ATP7A: variants seen among roughly 807,000 people sequenced by gnomAD.
ATP7A encodes the protein copper-transporting ATPase 1.
A neutral mutation model predicts 83.5 loss-of-function variants in ATP7A; 7 were observed. That is an observed-to-expected ratio of 0.08 (90% CI 0.05 to 0.16). ATP7A has a LOEUF of 0.16. Ranked by LOEUF, ATP7A falls within the 10% of genes least tolerant of loss-of-function variation. ATP7A has a pLI of 1.00. For missense variants in ATP7A, 940 were observed against 1,120.8 expected (o/e 0.84, Z 2.30); for synonymous variants, 354 against 395.2 (o/e 0.90, Z 1.24).
At chrX:77,960,106 C>T (rs1405112105) in intron 1 of ATP7A, among the ~76,000 whole-genome samples, 3 of 112,384 alleles carry the variant, frequency 2.7e-5, no homozygotes, top group African/African-American at 6.5e-5. Flanking sequence ...TAAGGCTGGG[C>T]GTGGTGGCTC....
intron 1 of ATP7A, among the ~76,000 whole-genome samples, chrX:77,953,454 A>G (rs2077424770): frequency 9.0e-6 from 1 of 111,627 alleles, no homozygotes; most frequent in African/African-American, 3.3e-5. Flanking sequence ...TTTAACACAT[A>G]ACATTGTTGA....
At chrX:78,045,378 TCAAA>T (rs1225835405) in intron 21 of ATP7A, 88 bp from the exon 22 acceptor site, 2 of 814,291 alleles carry the variant, frequency 2.5e-6, no homozygotes, top group Admixed American at 2.3e-5. Flanking sequence ...TGAAGAAGTA[TCAAA>T]CAAAGAAATG....
At chrX:77,957,426 C>A (rs781892119) in intron 1 of ATP7A, among the ~76,000 whole-genome samples, 4 of 107,766 alleles carry the variant, frequency 3.7e-5, no homozygotes, top group Non-Finnish European at 7.7e-5. Flanking sequence ...GGGTTAATAT[C>A]CAGAATATAT....
chrX:77,960,429 CA>C (rs1360400435), intron 1 of ATP7A, among the ~76,000 whole-genome samples: 3 of 111,767 alleles, frequency 2.7e-5, no homozygotes, highest in African/African-American at 9.8e-5. Context: ...AACAAAACCC[CA>C]AAAAAGAATT....
Position 77,989,928 on chromosome X carries a change from G to A in ATP7A, c.1306G>A (p.Glu436Lys), listed in dbSNP as rs782717793. ...TCCAGAAACGTTGAGAGGAGCAATA[G>A]AAGACATGGGATTTGATGCTACCTT... ...TSPETLRGAI[E>K]DMGFDATLSD... Residue 436 changes from glutamate to lysine, a missense_variant, in exon 4 of 23, where the codon GAA becomes AAA. Coordinates refer to ENST00000341514, the MANE Select transcript of ATP7A (RefSeq NM_000052.7). 3 of 1,209,787 alleles carry A rather than the reference G, an allele frequency of 2.5e-6. No individual in the cohort carries two copies. Among genetic ancestry groups the A allele is most frequent in the African/African-American group, 3.5e-5 (2 of 57,293 alleles).
At chrX:77,931,542 G>C (rs1388813181) in intron 1 of ATP7A, among the ~76,000 whole-genome samples, 6 of 112,145 alleles carry the variant, frequency 5.4e-5, no homozygotes, top group Admixed American at 1.9e-4. Context: ...ACCTCCCAGA[G>C]GGGGTGGTGG....
intron 16 of ATP7A, among the ~76,000 whole-genome samples, chrX:78,032,910 T>C (rs1421947086): frequency 9.0e-6 from 1 of 111,575 alleles, no homozygotes; most frequent in Non-Finnish European, 1.9e-5. Flanking sequence ...ATGTAGACTA[T>C]AGAGCAGATG....
At chrX:77,997,615 T>C (rs1205311210) in intron 4 of ATP7A, among the ~76,000 whole-genome samples, 1 of 110,135 alleles carries the variant, frequency 9.1e-6, no homozygotes, top group Non-Finnish European at 1.9e-5. Flanking sequence ...TTTGGCTTTT[T>C]TTTTTTTCAG....
chrX:77,926,337 T>A (rs1313829055), intron 1 of ATP7A, among the ~76,000 whole-genome samples: 1 of 111,475 alleles, frequency 9.0e-6, no homozygotes, highest in East Asian at 2.8e-4. Context: ...CTAGTCAATA[T>A]TTATTTATTT....
At chrX:77,955,234 G>A (rs1279110187) in intron 1 of ATP7A, among the ~76,000 whole-genome samples, 1 of 111,313 alleles carries the variant, frequency 9.0e-6, no homozygotes, top group Non-Finnish European at 1.9e-5. Context: ...ATTGTTTTAT[G>A]TTTTTAAACC....
At chrX:77,982,516 A>AT (rs1333814114) in intron 2 of ATP7A, among the ~76,000 whole-genome samples, 1 of 112,670 alleles carries the variant, frequency 8.9e-6, no homozygotes, top group African/African-American at 3.2e-5. Flanking sequence ...TTTTAAAATC[A>AT]TTTCAAATTT....
intron 1 of ATP7A, among the ~76,000 whole-genome samples, chrX:77,930,608 C>G (rs1447635931): frequency 8.9e-6 from 1 of 111,931 alleles, no homozygotes; most frequent in Non-Finnish European, 1.9e-5. Flanking sequence ...GTTAGGCTTC[C>G]TGAGTTTGAA....
chrX:77,987,509 G>C (rs1215911631), intron 2 of ATP7A, among the ~76,000 whole-genome samples: 3 of 105,564 alleles, frequency 2.8e-5, no homozygotes, highest in Admixed American at 1.0e-4. Context: ...ATCTTTGTAA[G>C]ATGTCAGCCA....
At chrX:78,028,284 G>T (rs1265572098) in intron 14 of ATP7A, among the ~76,000 whole-genome samples, 1 of 109,507 alleles carries the variant, frequency 9.1e-6, no homozygotes, top group East Asian at 2.9e-4. Flanking sequence ...TGCCTTCCAG[G>T]TTCAAGCAAT....
Position 78,012,917 on chromosome X carries a change from A to G in ATP7A, c.2211A>G (p.Lys737=). 4 of 1,211,808 alleles carry G rather than the reference A, an allele frequency of 3.3e-6. No homozygotes were observed. The highest frequency in any genetic ancestry group is 4.5e-6 in the Non-Finnish European group (4 of 895,463). ...GGTACTTCTACATTCAGGCTTATAA[A>G]GCACTGAAGCATAAGACAGCAAATA... ...GGWYFYIQAY[K]ALKHKTANMD... Residue 737 remains lysine, a synonymous_variant, in exon 10 of 23, where the codon AAA becomes AAG. Coordinates refer to ENST00000341514, the MANE Select transcript of ATP7A (RefSeq NM_000052.7).
chrX:77,974,756 G>A (rs2077567749), intron 2 of ATP7A: 1 of 295,179 alleles, frequency 3.4e-6, no homozygotes, highest in Admixed American at 6.2e-5. Context: ...CTGTTAAGAT[G>A]GTGAATTACA....
At chrX:78,026,355 G>T (rs2077943380) in intron 14 of ATP7A, among the ~76,000 whole-genome samples, 1 of 111,926 alleles carries the variant, frequency 8.9e-6, no homozygotes, top group Admixed American at 9.5e-5. Context: ...ACTACAAAAT[G>T]ATAAAGATCT....
At position 78,011,572 on chromosome X, in the gene ATP7A, A is replaced by G. The variant is rs146692150; in HGVS notation, c.2070A>G (p.Glu690=). The change falls in exon 9 of 23, where the codon GAA becomes GAG. Residue 690 remains glutamate, a synonymous_variant. Coordinates refer to ENST00000341514, the MANE Select transcript of ATP7A (RefSeq NM_000052.7). ...TLHHNQNMSK[E]EMINLHSSMF... is the part of the protein sequence containing the mutation. Reference sequence around the variant, plus strand: ...ACCATAATCAAAACATGAGTAAAGAAGAAATGATCAACCTTCATTCTTCTA... The same window carrying G: ...ACCATAATCAAAACATGAGTAAAGAGGAAATGATCAACCTTCATTCTTCTA... 155 of 1,209,861 alleles carry G rather than the reference A, an allele frequency of 1.3e-4. 1 individual carries two copies. The African/African-American group carries it at 2.1e-3, about 17-fold the overall frequency.
At chrX:77,955,078 G>A (rs1337865439) in intron 1 of ATP7A, among the ~76,000 whole-genome samples, 1 of 110,594 alleles carries the variant, frequency 9.0e-6, no homozygotes, top group African/African-American at 3.3e-5. Flanking sequence ...ATATATAGTT[G>A]CATTTCCCCT....
Sources: allele counts gnomAD v4.1 joint callset (sites outside exome capture counted in the v4.1 genomes callset), GRCh38; gene constraint gnomAD v4.1.1; transcripts MANE v1.5; gene names NCBI Gene and HGNC (gene_info 2026-07-23, HGNC 2026-07-21).